LINGO2: variants seen among roughly 807,000 people sequenced by gnomAD.
LINGO2 encodes leucine rich repeat and Ig domain containing 2.
A neutral mutation model predicts 30.6 loss-of-function variants in LINGO2; 14 were observed. The observed-to-expected ratio is 0.46, with a 90% confidence interval of 0.30 to 0.72. The LOEUF (loss-of-function observed/expected upper bound fraction) is 0.72, where lower values mean the gene tolerates loss of function less well. Among genes scored for constraint, LINGO2 ranks in the 30% least tolerant of loss-of-function variants. LINGO2 has a pLI of 0.07. For synonymous variants in LINGO2, 317 were observed against 288.5 expected (o/e 1.10, Z -1.00); for missense variants, 729 against 751.7 (o/e 0.97, Z 0.35).
At chr9:28,233,061 T>TATATATATATATATATAAAA (rs60875467) in intron 4 of LINGO2, among the ~76,000 whole-genome samples, 39 of 118,814 alleles carry the variant, frequency 3.3e-4, no homozygotes, top group African/African-American at 1.3e-3. Flanking sequence ...TATATATATA[T>TATATATATATATATATAAAA]TAGATATATA....
chr9:28,052,800 C>G (rs1824737585), intron 4 of LINGO2, among the ~76,000 whole-genome samples: 1 of 152,030 alleles, frequency 6.6e-6, no homozygotes, highest in South Asian at 2.1e-4. Context: ...AAGTACATGA[C>G]ATTTGGCATC....
intron 3 of LINGO2, among the ~76,000 whole-genome samples, chr9:28,357,325 C>CCCG (rs1554710554): frequency 8.2e-5 from 12 of 146,180 alleles, no homozygotes; most frequent in East Asian, 2.2e-4. Context: ...GCCCACCCCC[C>CCCG]CCAAAAAAGA....
At chr9:29,086,604 TAAGAG>T in the LINGO2 span, among the ~76,000 whole-genome samples, 2 of 152,166 alleles carry the variant, frequency 1.3e-5, no homozygotes, top group African/African-American at 4.8e-5. Context: ...TCTAGGAAAG[TAAGAG>T]AAGGTGAAAA....
the LINGO2 span, among the ~76,000 whole-genome samples, chr9:28,811,650 T>C: frequency 1.3e-5 from 2 of 152,176 alleles, no homozygotes; most frequent in African/African-American, 4.8e-5. Flanking sequence ...TGTTTTAATA[T>C]TACTTAGAAT....
chr9:28,963,766 G>A, the LINGO2 span, among the ~76,000 whole-genome samples: 1 of 151,876 alleles, frequency 6.6e-6, no homozygotes, highest in African/African-American at 2.4e-5. Context: ...AGTTATCAGT[G>A]GCTGGGAAGA....
chr9:28,403,688 T>C (rs1239087030), intron 2 of LINGO2, among the ~76,000 whole-genome samples: 1 of 151,774 alleles, frequency 6.6e-6, no homozygotes, highest in African/African-American at 2.4e-5. Context: ...GACCTCAACT[T>C]TTCCTGGACG....
the LINGO2 span, among the ~76,000 whole-genome samples, chr9:29,019,204 C>T: frequency 6.6e-6 from 1 of 152,114 alleles, no homozygotes; most frequent in African/African-American, 2.4e-5. Context: ...TACTGCAAGG[C>T]ATGTGTTTTA....
At chr9:28,461,771 T>C (rs1825090773) in intron 2 of LINGO2, among the ~76,000 whole-genome samples, 1 of 152,160 alleles carries the variant, frequency 6.6e-6, no homozygotes, top group Non-Finnish European at 1.5e-5. Context: ...CAAAGGCAAG[T>C]AGTAGTTCCT....
Position 28,361,651 on chromosome 9 carries a change from C to CA in LINGO2, c.-246+11184dup, listed in dbSNP as rs113971802. 8.9e-3 allele frequency among the ~76,000 whole-genome samples: 1,284 copies of CA among 144,696 alleles called. 8 individuals are homozygous for CA. Among genetic ancestry groups the CA allele is most frequent in the African/African-American group, 0.024 (968 of 39,750 alleles). The allele number at this position is 144,696 out of a possible 152,430, so 94.9% of individuals were successfully genotyped here. A position where few individuals can be genotyped will look rare whatever the true frequency, so the allele number is the denominator to read the frequency against. On this transcript the variant is annotated intron_variant, in intron 3 of 5. Coordinates refer to ENST00000379992, the Ensembl canonical transcript of LINGO2. ...ACAGCAAAGGGCCTTGATTTTTGAA[C>CA]AAAAAAAAAAGCTATTTGCCTCTAA...
chr9:28,335,155 G>A (rs1452772802), intron 3 of LINGO2, among the ~76,000 whole-genome samples: 1 of 152,128 alleles, frequency 6.6e-6, no homozygotes, highest in Non-Finnish European at 1.5e-5. Flanking sequence ...CTGAGGCAGA[G>A]GATCAATGCT....
intron 1 of LINGO2, among the ~76,000 whole-genome samples, chr9:28,505,343 T>C (rs953974663): frequency 6.6e-6 from 1 of 151,886 alleles, no homozygotes; most frequent in African/African-American, 2.4e-5. Context: ...TGTGGTTTCA[T>C]CTCCTAACTT....
At chr9:29,137,571 AG>A in the LINGO2 span, among the ~76,000 whole-genome samples, 8 of 152,298 alleles carry the variant, frequency 5.3e-5, no homozygotes, top group Non-Finnish European at 1.0e-4. Context: ...GACAAGTGTC[AG>A]GTATCTTTTA....
At position 28,521,671 on chromosome 9, in the gene LINGO2, T is replaced by A. The variant is rs373469899; in HGVS notation, c.-364-45646A>T. Among the ~76,000 whole-genome samples the A allele has an allele frequency of 7.2e-5, 11 of 152,122 alleles. No homozygotes were observed. The East Asian group carries it at 7.7e-4, about 11-fold the overall frequency. ...GTGGGGTGTATGCAGGTGCACTGGATTGAATAGTGTTTTCCCCAAAATTAA... is the reference window on the plus strand; with the variant it reads ...GTGGGGTGTATGCAGGTGCACTGGAATGAATAGTGTTTTCCCCAAAATTAA... On this transcript the variant is annotated intron_variant, in intron 1 of 5. Transcript: ENST00000379992.
chr9:28,162,223 A>G (rs536708367), intron 4 of LINGO2, among the ~76,000 whole-genome samples: 1 of 152,156 alleles, frequency 6.6e-6, no homozygotes, highest in South Asian at 2.1e-4. Flanking sequence ...TATCAGGCAA[A>G]TGAAGGACTC....
At chr9:28,983,431 A>G in the LINGO2 span, among the ~76,000 whole-genome samples, 1 of 151,900 alleles carries the variant, frequency 6.6e-6, no homozygotes, top group Non-Finnish European at 1.5e-5. Flanking sequence ...TAAAACTAAT[A>G]CAAAGTGAGT....
intron 2 of LINGO2, among the ~76,000 whole-genome samples, chr9:28,419,308 G>T (rs1823092909): frequency 6.6e-6 from 1 of 152,064 alleles, no homozygotes; most frequent in South Asian, 2.1e-4. Context: ...TGTATATGCT[G>T]TGTAAACAAA....
chr9:28,869,552 G>T, the LINGO2 span, among the ~76,000 whole-genome samples: 7 of 151,988 alleles, frequency 4.6e-5, no homozygotes, highest in African/African-American at 1.4e-4. Context: ...ATGTATGACA[G>T]AGAAATAGCA....
the LINGO2 span, among the ~76,000 whole-genome samples, chr9:29,062,749 G>T: frequency 6.6e-6 from 1 of 151,664 alleles, no homozygotes; most frequent in Non-Finnish European, 1.5e-5. Context: ...AATTTCTAGA[G>T]ATGGATAGTG....
At chr9:28,066,715 A>C (rs1825324317) in intron 4 of LINGO2, among the ~76,000 whole-genome samples, 1 of 152,072 alleles carries the variant, frequency 6.6e-6, no homozygotes, top group Admixed American at 6.6e-5. Flanking sequence ...AGATCTTTAA[A>C]ATTTAGAAAG....
Sources: allele counts gnomAD v4.1 joint callset (sites outside exome capture counted in the v4.1 genomes callset), GRCh38; gene constraint gnomAD v4.1.1; transcripts MANE v1.5; gene names NCBI Gene and HGNC (gene_info 2026-07-23, HGNC 2026-07-21).